Variants in ABCA8 observed in about 807,000 individuals in gnomAD.
ABCA8 encodes the protein ABC-type organic anion transporter ABCA8.
In ABCA8, 177 loss-of-function variants were observed where a neutral mutation model predicts 192.3. The ratio of observed to expected loss-of-function variants is 0.92; its 90% CI spans 0.81 to 1.04. ABCA8 has a LOEUF of 1.04. Ranked by LOEUF, ABCA8 falls within the 50% of genes least tolerant of loss-of-function variation. The pLI, the probability that ABCA8 is intolerant of heterozygous loss-of-function variation, is 0.00. For synonymous variants in ABCA8, 642 were observed against 690.2 expected (o/e 0.93, Z 1.09); for missense variants, 1,915 against 1,904.8 (o/e 1.01, Z -0.10).
Position 68,877,651 on chromosome 17 carries a change from T to A in ABCA8, c.4067A>T (p.Asp1356Val). The change falls in exon 33 of 40, where the codon GAT (aspartate) becomes GTT (valine). Residue 1356 changes from aspartate (D) to valine (V), a missense_variant. By Grantham distance (152) the Asp-to-Val change is radical (BLOSUM62 -3). Coordinates refer to ENST00000586539, the MANE Select transcript of ABCA8 (RefSeq NM_001288985.2). ...GCAGTACCCCAGGAACTCCAGGGCA[T>A]CCCCTCCACCGCTCCCTTTCAGTAG... ...QVLLKGSGGGDALEFLGYCPQ... is the reference protein window; with the variant it reads ...QVLLKGSGGGVALEFLGYCPQ... The A allele has an allele frequency of 6.2e-7, 1 of 1,613,162 alleles. No homozygotes were observed. Among genetic ancestry groups the A allele is most frequent in the Non-Finnish European group, 8.5e-7 (1 of 1,179,492 alleles).
Position 68,919,606 on chromosome 17 carries a change from T to C in ABCA8, c.1613-130A>G, listed in dbSNP as rs1598260040. ...ATTCAGGCATTAGAAACTTCTACTT[T>C]AGTTGCATAGTATATTCAAAATATG... On this transcript the variant is annotated intron_variant, in intron 13 of 39. Transcript: ENST00000586539. 2.3e-5 allele frequency: 17 copies of C among 755,260 alleles called. No individual in the cohort carries two copies. The East Asian group carries it at 4.6e-4, about 20-fold the overall frequency. The allele number at this position is 755,260 out of a possible 1,614,324, so 46.8% of individuals were successfully genotyped here. A position where few individuals can be genotyped will look rare whatever the true frequency, so the allele number is the denominator to read the frequency against.
Position 68,883,845 on chromosome 17 carries a change from C to A in ABCA8, c.3653G>T (p.Arg1218Leu). The A allele has an allele frequency of 1.9e-6, 3 of 1,591,162 alleles. No homozygotes were observed. Among genetic ancestry groups the A allele is most frequent in the East Asian group, 2.3e-5 (1 of 43,858 alleles). The change falls in exon 29 of 40, where the codon CGA becomes CTA. Residue 1218 changes from arginine to leucine, a missense_variant. Transcript: ENST00000586539. The part of the protein sequence containing the change: ...LHFIIFLFTL[R>L]CLEWKFGKKS... The stretch of plus-strand genomic sequence containing the variant: ...CTTTCCAAACTTCCATTCCAGACAT[C>A]GAAGAGTAAAAAGAAAAATGATAAA...
At chr17:68,904,297 TAA>T (rs2067004662) in intron 19 of ABCA8, among the ~76,000 whole-genome samples, 1 of 572 alleles carries the variant, frequency 1.7e-3, no homozygotes, top group African/African-American at 0.015. Flanking sequence ...AAAGAAATAA[TAA>T]TAATAATAAT....
chr17:68,869,686 G>T lies in ABCA8; in HGVS notation c.4711+14C>A. The T allele has an allele frequency of 6.4e-7, 1 of 1,573,712 alleles. No individual in the cohort carries two copies. ...CTTCTTTCCAGGGTCGTACTTCAAAGTCATACTTCTTACCCTTCTCTAATT... is the reference window on the plus strand; with the variant it reads ...CTTCTTTCCAGGGTCGTACTTCAAATTCATACTTCTTACCCTTCTCTAATT... On this transcript the variant is annotated intron_variant, in intron 38 of 39. Transcript: ENST00000586539.
intron 17 of ABCA8, among the ~76,000 whole-genome samples, chr17:68,913,218 A>G (rs1261930804): frequency 3.9e-5 from 6 of 152,132 alleles, no homozygotes; most frequent in Non-Finnish European, 7.4e-5. Context: ...TGGAAACACA[A>G]CATGCCAAAA....
chr17:68,911,498 C>A lies in ABCA8; in HGVS notation c.2139-3619G>T, dbSNP rs930496891. On this transcript the variant is annotated intron_variant, in intron 17 of 39. Coordinates refer to ENST00000586539, the MANE Select transcript of ABCA8 (RefSeq NM_001288985.2). The surrounding 1 kb of genome is among the most constrained non-coding windows in gnomAD (Gnocchi z 5.7). The stretch of plus-strand genomic sequence containing the variant: ...AAGGCATTTCTGGACCCACCCTGGG[C>A]CAGTGGGAAGCTTGCCACCATAAAG... Among the ~76,000 whole-genome samples, 1 of 151,378 alleles carries A rather than the reference C, an allele frequency of 6.6e-6. No homozygotes were observed. Among genetic ancestry groups the A allele is most frequent in the South Asian group, 2.1e-4 (1 of 4,828 alleles).
At position 68,926,385 on chromosome 17, in the gene ABCA8, G is replaced by C. The variant is rs536186532; in HGVS notation, c.1274-1516C>G. Among the ~76,000 whole-genome samples, 7 of 152,110 alleles carry C rather than the reference G, an allele frequency of 4.6e-5. No individual in the cohort carries two copies. The East Asian group carries it at 1.4e-3, about 29-fold the overall frequency. ...AAAAGGAAGAATTAGTAAGCACAAG[G>C]GTCACACGAGTAAATTTCCTGAACT... On this transcript the variant is annotated intron_variant, in intron 10 of 39. Transcript: ENST00000586539.
At chr17:68,949,891 G>A (rs989246852) in intron 1 of ABCA8, among the ~76,000 whole-genome samples, 26 of 152,168 alleles carry the variant, frequency 1.7e-4, no homozygotes, top group Non-Finnish European at 2.6e-4. Flanking sequence ...CACAAGGCAA[G>A]GATGCCCTCT....
chr17:68,884,382 A>G lies in ABCA8; in HGVS notation c.3564T>C (p.Ser1188=), dbSNP rs1256023207. 6.3e-7 allele frequency: 1 copy of G among 1,587,702 alleles called. No individual in the cohort carries two copies. Among genetic ancestry groups the G allele is most frequent in the Non-Finnish European group, 8.5e-7 (1 of 1,171,700 alleles). The part of the protein sequence containing the change: ...LFLSSHLLFS[S]LFSEERMDVQ... ...CATCCATTCGTTCTTCAGAAAAGAG[A>G]GAAGAAAAGAGAAGCTGCAAAAGAA... The change falls in exon 28 of 40, where the codon TCT becomes TCC. Residue 1188 remains serine, a synonymous_variant. Transcript: ENST00000586539.
At chr17:68,871,977 G>A (rs1187204560) in intron 37 of ABCA8, among the ~76,000 whole-genome samples, 1 of 152,068 alleles carries the variant, frequency 6.6e-6, no homozygotes, top group African/African-American at 2.4e-5. Context: ...AAAGTTAACT[G>A]TAAAAAAGCC....
At chr17:68,920,417 T>TA (rs2067501745) in intron 13 of ABCA8, among the ~76,000 whole-genome samples, 1 of 135,988 alleles carries the variant, frequency 7.4e-6, no homozygotes, top group Non-Finnish European at 1.6e-5. Context: ...TTTTAAAAAA[T>TA]AAAAAAATAA....
At chr17:68,932,083 A>T in intron 7 of ABCA8, 1 of 407,678 alleles carries the variant, frequency 2.5e-6, no homozygotes, top group Non-Finnish European at 4.5e-6. Flanking sequence ...GGTGGTCGGC[A>T]CCTGCAGTCC....
chr17:68,877,262 A>T (rs1380699554), intron 33 of ABCA8: 1 of 318,556 alleles, frequency 3.1e-6, no homozygotes, highest in African/African-American at 2.1e-5. Context: ...CAAGCAGTCC[A>T]CCTGCCTCAG....
At chr17:68,942,451 T>C (rs2068259113) in intron 2 of ABCA8, among the ~76,000 whole-genome samples, 1 of 152,218 alleles carries the variant, frequency 6.6e-6, no homozygotes, top group African/African-American at 2.4e-5. Context: ...GCTGAGTTGC[T>C]ATAGAATGTA....
chr17:68,886,887 A>G, intron 26 of ABCA8, 130 bp downstream of exon 26: 1 of 448,690 alleles, frequency 2.2e-6, no homozygotes, highest in East Asian at 3.6e-5. Context: ...CCATGTCAGT[A>G]ACTGAATTTG....
intron 38 of ABCA8, 141 bp downstream of exon 38, chr17:68,869,559 G>T (rs2065995360): frequency 1.5e-6 from 1 of 657,150 alleles, no homozygotes; most frequent in Non-Finnish European, 2.7e-6. Flanking sequence ...CTTGGTTTGG[G>T]TCTTCCTAAA....
In ABCA8 at chr17:68,937,089, C is replaced by T. The variant is rs978853510; in HGVS notation, c.328G>A (p.Glu110Lys). ...AGKEVLGLPD[E>K]ESIKEFTANY... ...GCTGTGAATTCTTTAATACTTTCCT[C>T]ATCTGGCAGTCCCAAGACCTCTTTA... The change falls in exon 5 of 40, where the codon GAG (glutamate) becomes AAG (lysine). Residue 110 changes from glutamate (E) to lysine (K), a missense_variant. Glu to Lys is a moderately conservative substitution (Grantham distance 56, BLOSUM62 1). Coordinates refer to ENST00000586539, the MANE Select transcript of ABCA8 (RefSeq NM_001288985.2). The T allele has an allele frequency of 2.5e-6, 4 of 1,608,376 alleles. No homozygotes were observed. Among genetic ancestry groups the T allele is most frequent in the African/African-American group, 2.7e-5 (2 of 74,542 alleles).
chr17:68,934,751 G>A (rs947750794), intron 5 of ABCA8, among the ~76,000 whole-genome samples: 1 of 152,116 alleles, frequency 6.6e-6, no homozygotes, highest in African/African-American at 2.4e-5. Flanking sequence ...CTCAATTTTT[G>A]TGGAATTTAC....
intron 21 of ABCA8, among the ~76,000 whole-genome samples, chr17:68,896,227 T>C (rs1406879659): frequency 2.0e-5 from 3 of 152,110 alleles, no homozygotes; most frequent in Non-Finnish European, 4.4e-5. Context: ...AGATTGCAAT[T>C]CCCTTGGTTG....
Sources: allele counts gnomAD v4.1 joint callset (sites outside exome capture counted in the v4.1 genomes callset), GRCh38; gene constraint gnomAD v4.1.1; non-coding constraint Gnocchi (gnomAD v3.1); transcripts MANE v1.5; gene names NCBI Gene and HGNC (gene_info 2026-07-23, HGNC 2026-07-21).